Variants in RASA1 observed in about 807,000 individuals in gnomAD.
RASA1 encodes RAS p21 protein activator 1.
Under a neutral mutation model 132.2 loss-of-function variants are expected in RASA1, and 25 were observed. The observed-to-expected ratio is 0.19, with a 90% CI of 0.14 to 0.26. The LOEUF is 0.26. Ranked by LOEUF, RASA1 falls within the 10% of genes least tolerant of loss-of-function variation. The pLI, the probability that RASA1 is intolerant of heterozygous loss-of-function variation, is 1.00. For missense variants in RASA1, 964 were observed against 1,299.2 expected (o/e 0.74, Z 3.97); for synonymous variants, 477 against 449.9 (o/e 1.06, Z -0.76).
intron 20 of RASA1, among the ~76,000 whole-genome samples, 167 bp from the exon 21 acceptor site, chr5:87,383,546 T>A (rs1337244212): frequency 6.6e-6 from 1 of 152,150 alleles, no homozygotes; most frequent in African/African-American, 2.4e-5. Context: ...TGCTTTGGCT[T>A]ACTGTTTTCT....
At chr5:87,284,604 A>G (rs546316600) in intron 1 of RASA1, among the ~76,000 whole-genome samples, 1 of 152,334 alleles carries the variant, frequency 6.6e-6, no homozygotes, top group Admixed American at 6.5e-5. Flanking sequence ...GTGGTAGAAG[A>G]AATGAAATTT....
rs745960407 is a variant in RASA1, at chr5:87,376,519, C to G, written c.2138C>G (p.Ser713Cys). 9.3e-6 allele frequency: 15 copies of G among 1,613,750 alleles called. No homozygotes were observed. The highest frequency in any genetic ancestry group is 8.3e-5 in the Admixed American group (5 of 59,986). The change falls in exon 16 of 25, where the codon TCT becomes TGT. Residue 713 changes from serine (S) to cysteine (C), a missense_variant. By Grantham distance (112) the Ser-to-Cys change is moderately radical (BLOSUM62 -1). Transcript: ENST00000274376. ...TCCCTGCGTGTTCGAGCACGATACTCTATGGAAAAAATCATGCCAGAAGAA... is the reference window on the plus strand; with the variant it reads ...TCCCTGCGTGTTCGAGCACGATACTGTATGGAAAAAATCATGCCAGAAGAA... ...PGSLRVRARY[S>C]MEKIMPEEEY...
chr5:87,353,207 A>G lies in RASA1; in HGVS notation c.1304A>G (p.Tyr435Cys). 1 of 1,609,874 alleles carries G rather than the reference A, an allele frequency of 6.2e-7. No individual in the cohort carries two copies. Among genetic ancestry groups the G allele is most frequent in the Non-Finnish European group, 8.5e-7 (1 of 1,176,666 alleles). The stretch of plus-strand genomic sequence containing the variant: ...CGAAAAGAACAGATTGTTGAAGGAT[A>G]TTATCTTAAGGAACCTGTACCAATG... ...HYRKEQIVEGYYLKEPVPMQD... is the reference protein window; with the variant it reads ...HYRKEQIVEGCYLKEPVPMQD... Residue 435 changes from tyrosine to cysteine, a missense_variant, in exon 9 of 25, where the codon TAT becomes TGT. Physicochemically the swap from Tyr to Cys is radical, Grantham distance 194. This residue lies in a region of RASA1 where 154 missense variants were observed against 286.5 expected (regional missense o/e 0.54). Transcript: ENST00000274376.
chr5:87,325,764 T>C (rs1757186574), intron 1 of RASA1, among the ~76,000 whole-genome samples: 1 of 152,238 alleles, frequency 6.6e-6, no homozygotes, highest in Admixed American at 6.5e-5. Context: ...TTCTGTTGTG[T>C]AGTAGACAGT....
intron 1 of RASA1, among the ~76,000 whole-genome samples, chr5:87,288,962 C>T (rs141957654): frequency 7.2e-5 from 11 of 152,128 alleles, no homozygotes; most frequent in African/African-American, 2.6e-4. Flanking sequence ...CCTACAAAAC[C>T]AAATATAATG....
chr5:87,333,217 T>C (rs773697160), intron 3 of RASA1, 50 bp from the exon 4 acceptor site: 10 of 1,601,004 alleles, frequency 6.2e-6, no homozygotes, highest in Non-Finnish European at 8.5e-6. Flanking sequence ...CTTTTGACTT[T>C]AAGATAAAAA....
At chr5:87,372,314 C>G in intron 13 of RASA1, 119 bp downstream of exon 13, 2 of 874,880 alleles carry the variant, frequency 2.3e-6, no homozygotes, top group South Asian at 1.5e-5. Flanking sequence ...CATGCTGCCA[C>G]TTGCTTCAGT....
chr5:87,287,578 CATAT>C (rs551826079), intron 1 of RASA1, among the ~76,000 whole-genome samples: 5 of 146,570 alleles, frequency 3.4e-5, no homozygotes, highest in African/African-American at 1.3e-4. Context: ...ATATACACAC[CATAT>C]ATATACACCA....
intron 1 of RASA1, among the ~76,000 whole-genome samples, chr5:87,330,587 A>G (rs1580277844): frequency 6.6e-6 from 1 of 152,122 alleles, no homozygotes; most frequent in Non-Finnish European, 1.5e-5. Flanking sequence ...GTTTCTGTTT[A>G]TATCAGTCCA....
chr5:87,304,259 CTCTTA>C (rs1755506795), intron 1 of RASA1, among the ~76,000 whole-genome samples: 1 of 152,126 alleles, frequency 6.6e-6, no homozygotes, highest in Admixed American at 6.5e-5. Flanking sequence ...TAAGATACAT[CTCTTA>C]TAAGTGGGTT....
intron 1 of RASA1, among the ~76,000 whole-genome samples, chr5:87,320,650 A>G (rs568730622): frequency 6.6e-6 from 1 of 152,338 alleles, no homozygotes; most frequent in Non-Finnish European, 1.5e-5. Flanking sequence ...TCATGATTCA[A>G]TCACCTACCA....
chr5:87,269,813 C>T (rs1753739989), intron 1 of RASA1, among the ~76,000 whole-genome samples: 1 of 152,114 alleles, frequency 6.6e-6, no homozygotes, highest in Non-Finnish European at 1.5e-5. Flanking sequence ...AAGTTAATAC[C>T]TCCTCCTCAC....
intron 17 of RASA1, 128 bp from the exon 18 acceptor site, chr5:87,378,268 A>G: frequency 9.5e-7 from 1 of 1,050,214 alleles, no homozygotes; most frequent in Admixed American, 1.8e-5. Context: ...AGTACTTTCA[A>G]CGCTGCACGC....
intron 4 of RASA1, among the ~76,000 whole-genome samples, chr5:87,334,489 A>G (rs903319132): frequency 6.6e-6 from 1 of 152,196 alleles, no homozygotes; most frequent in African/African-American, 2.4e-5. Flanking sequence ...TGGGAACCCT[A>G]TGGCCCAGCC....
chr5:87,373,286 G>A (rs1454056155), intron 13 of RASA1, among the ~76,000 whole-genome samples: 1 of 152,084 alleles, frequency 6.6e-6, no homozygotes, highest in South Asian at 2.1e-4. Flanking sequence ...TAACAACTAT[G>A]TACATAGCAT....
chr5:87,366,257 G>C lies in RASA1; in HGVS notation c.1610+2753G>C, dbSNP rs74412753. The C allele has an allele frequency of 7.7e-3, 2,020 of 263,974 alleles. 33 individuals are homozygous for C. Among genetic ancestry groups the C allele is most frequent in the African/African-American group, 0.041 (1,867 of 45,566 alleles). 16.4% of individuals were successfully genotyped at this position (263,974 alleles called of 1,614,324 possible). On this transcript the variant is annotated intron_variant, in intron 11 of 24. Transcript: ENST00000274376. ...CTAATGATACTTACAACTGCAATTA[G>C]ATGAATCTTAAGGAAGTATTAAGAT...
chr5:87,358,115 C>G (rs1759792227), intron 9 of RASA1, among the ~76,000 whole-genome samples: 1 of 152,120 alleles, frequency 6.6e-6, no homozygotes, highest in African/African-American at 2.4e-5. Flanking sequence ...ACCTCATCTT[C>G]CAATGAGGTG....
intron 16 of RASA1, 105 bp from the exon 17 acceptor site, chr5:87,376,776 C>A: frequency 3.9e-6 from 5 of 1,281,828 alleles, no homozygotes; most frequent in South Asian, 1.3e-5. Flanking sequence ...AATGGGACAT[C>A]ATTTTAAATA....
intron 7 of RASA1, among the ~76,000 whole-genome samples, chr5:87,348,910 G>T (rs1446269169): frequency 1.3e-5 from 2 of 151,842 alleles, no homozygotes; most frequent in African/African-American, 4.8e-5. Context: ...CTATGCTTAG[G>T]TTCCTTCCAA....
Sources: allele counts gnomAD v4.1 joint callset (sites outside exome capture counted in the v4.1 genomes callset), GRCh38; gene constraint gnomAD v4.1.1; regional missense constraint gnomAD v4.1.1; transcripts MANE v1.5; gene names NCBI Gene and HGNC (gene_info 2026-07-23, HGNC 2026-07-21).